MYZAP: variants seen among roughly 807,000 people sequenced by gnomAD.
MYZAP encodes the protein myocardial zonula adherens protein.
Under a neutral mutation model 69.4 loss-of-function variants are expected in MYZAP, and 66 were observed. The ratio of observed to expected loss-of-function variants is 0.95; its 90% CI spans 0.78 to 1.17. MYZAP has a LOEUF of 1.17. Among genes scored for constraint, MYZAP ranks in the 50% most tolerant of loss-of-function variants. The pLI is 0.00. For missense variants in MYZAP, 611 were observed against 556.2 expected, an observed-to-expected ratio of 1.10 and a Z score of -0.99; for synonymous variants, 256 against 205.9, an observed-to-expected ratio of 1.24 and a Z score of -2.09.
At chr15:57,603,634 T>C (rs1344896693) in intron 1 of MYZAP, among the ~76,000 whole-genome samples, 2 of 152,234 alleles carry the variant, frequency 1.3e-5, no homozygotes, top group Non-Finnish European at 2.9e-5. Context: ...GTCTTCAAGG[T>C]TTATCCATGT....
chr15:57,625,320 C>T (rs145534457), intron 4 of MYZAP, among the ~76,000 whole-genome samples: 7 of 152,100 alleles, frequency 4.6e-5, no homozygotes, highest in African/African-American at 7.2e-5. Flanking sequence ...GTGATCCGAC[C>T]GCCTCGGCCT....
intron 10 of MYZAP, among the ~76,000 whole-genome samples, chr15:57,659,501 C>T (rs1379050261): frequency 6.6e-6 from 1 of 152,176 alleles, no homozygotes; most frequent in Non-Finnish European, 1.5e-5. Flanking sequence ...CTTTCTCTTA[C>T]AGTAAAAATC....
At chr15:57,670,804 A>G (rs1325659798) in intron 11 of MYZAP, among the ~76,000 whole-genome samples, 1 of 152,068 alleles carries the variant, frequency 6.6e-6, no homozygotes, top group Admixed American at 6.5e-5. Flanking sequence ...GTATTGTAGT[A>G]TACATCATTA....
At chr15:57,664,927 T>C (rs1450064468) in intron 11 of MYZAP, among the ~76,000 whole-genome samples, 4 of 152,228 alleles carry the variant, frequency 2.6e-5, no homozygotes, top group African/African-American at 9.6e-5. Context: ...GTTATGATGA[T>C]TAAATATGTT....
chr15:57,658,364 A>G (rs1467728541), intron 10 of MYZAP, among the ~76,000 whole-genome samples: 1 of 152,182 alleles, frequency 6.6e-6, no homozygotes, highest in Non-Finnish European at 1.5e-5. Flanking sequence ...TAACAAAATT[A>G]ATGATAATTC....
chr15:57,635,709 G>A (rs547809887), intron 8 of MYZAP, among the ~76,000 whole-genome samples: 5 of 152,234 alleles, frequency 3.3e-5, no homozygotes, highest in Admixed American at 6.5e-5. Flanking sequence ...ATCTGTGAGA[G>A]CAGGAATCTG....
At chr15:57,655,967 C>A (rs1292565266) in intron 10 of MYZAP, among the ~76,000 whole-genome samples, 2 of 152,118 alleles carry the variant, frequency 1.3e-5, no homozygotes, top group Admixed American at 6.6e-5. Flanking sequence ...TTCTTAATGC[C>A]CTGGTTTGAG....
At chr15:57,611,515 A>C (rs1246419151) in intron 2 of MYZAP, among the ~76,000 whole-genome samples, 4 of 152,064 alleles carry the variant, frequency 2.6e-5, no homozygotes, top group African/African-American at 9.7e-5. Context: ...GCTGTGTACT[A>C]GCTGCACACT....
intron 8 of MYZAP, among the ~76,000 whole-genome samples, chr15:57,634,290 G>A (rs1429036141): frequency 3.3e-5 from 5 of 152,140 alleles, no homozygotes; most frequent in Admixed American, 1.3e-4. Context: ...GGAGGAAGGG[G>A]AGGAAGTGGT....
At chr15:57,640,271 G>T (rs1286115240) in intron 10 of MYZAP, among the ~76,000 whole-genome samples, 2 of 152,210 alleles carry the variant, frequency 1.3e-5, no homozygotes, top group Non-Finnish European at 2.9e-5. Context: ...AAAGAAGAAA[G>T]TCCGTGCTCT....
At chr15:57,614,910 A>G (rs1397052785) in intron 2 of MYZAP, among the ~76,000 whole-genome samples, 3 of 152,112 alleles carry the variant, frequency 2.0e-5, no homozygotes, top group African/African-American at 7.2e-5. Context: ...ATTATATATT[A>G]TATGTAATAA....
chr15:57,599,816 G>T lies in MYZAP; in HGVS notation c.76-4453G>T, dbSNP rs2034302158. 4.1e-6 allele frequency: 3 copies of T among 735,078 alleles called. No homozygotes were observed. The African/African-American group carries it at 5.4e-5, about 13-fold the overall frequency. 45.5% of individuals were successfully genotyped at this position (735,078 alleles called of 1,614,324 possible). ...CTCGGACAACTTTATGGGTGGTTCA[G>T]GGGTTACTGTCCTTAGTGCTTCTGT... On this transcript the variant is annotated intron_variant, in intron 1 of 12. Coordinates refer to ENST00000267853, the MANE Select transcript of MYZAP (RefSeq NM_001018100.5).
rs772067728 is a variant in MYZAP at position 57,604,296 on chromosome 15, G to T, written c.103G>T (p.Val35Leu). 1 of 1,614,018 alleles carries T rather than the reference G, an allele frequency of 6.2e-7. No individual in the cohort carries two copies. The highest frequency in any genetic ancestry group is 8.5e-7 in the Non-Finnish European group (1 of 1,180,018). ...RANVCRLRLTVPPESPVPEQC... is the reference protein window; with the variant it reads ...RANVCRLRLTLPPESPVPEQC... ...AAATGTTTGCAGACTACGGCTGACC[G>T]TACCTCCTGAGAGTCCAGTTCCTGA... The change falls in exon 2 of 13, where the codon GTA becomes TTA. Residue 35 changes from valine (V) to leucine (L), a missense_variant. Physicochemically the swap from Val to Leu is conservative, Grantham distance 32. Coordinates refer to ENST00000267853, the MANE Select transcript of MYZAP (RefSeq NM_001018100.5).
chr15:57,648,035 C>T lies in MYZAP; in HGVS notation c.1119+8490C>T, dbSNP rs1306394425. On this transcript the variant is annotated intron_variant, in intron 10 of 12. Transcript: ENST00000267853. Reference sequence around the variant, plus strand: ...CAAGCCCCACCCAAAGGAGGTGCTACTCAAAAGTTTGAGGCAGGAGTGATT... The same window carrying T: ...CAAGCCCCACCCAAAGGAGGTGCTATTCAAAAGTTTGAGGCAGGAGTGATT... 3 of 985,134 alleles carry T rather than the reference C, an allele frequency of 3.0e-6. No homozygotes were observed. The African/African-American group carries it at 5.2e-5, about 17-fold the overall frequency. 61.0% of individuals were successfully genotyped at this position (985,134 alleles called of 1,614,324 possible).
chr15:57,656,197 T>A (rs1332674049), intron 10 of MYZAP, among the ~76,000 whole-genome samples: 1 of 152,198 alleles, frequency 6.6e-6, no homozygotes, highest in Non-Finnish European at 1.5e-5. Flanking sequence ...AGCAAGATCA[T>A]CTTGGCCCAA....
intron 12 of MYZAP, among the ~76,000 whole-genome samples, chr15:57,682,992 A>G (rs1382165417): frequency 6.6e-6 from 1 of 152,100 alleles, no homozygotes; most frequent in African/African-American, 2.4e-5. Flanking sequence ...TGTTCAGGTC[A>G]TGGCGGGAAG....
At chr15:57,644,612 T>C (rs2140483674) in intron 10 of MYZAP, among the ~76,000 whole-genome samples, 1 of 151,960 alleles carries the variant, frequency 6.6e-6, no homozygotes, top group East Asian at 1.9e-4. Context: ...GCCCAGCTAA[T>C]TTTTGTATTA....
At chr15:57,676,095 G>C in intron 12 of MYZAP, among the ~76,000 whole-genome samples, 1 of 152,116 alleles carries the variant, frequency 6.6e-6, no homozygotes, top group Non-Finnish European at 1.5e-5. Flanking sequence ...GATGCCTTCA[G>C]ACAGGTTCTT....
chr15:57,648,053 G>A, intron 10 of MYZAP: 1 of 984,886 alleles, frequency 1.0e-6, no homozygotes, highest in Non-Finnish European at 1.2e-6. Flanking sequence ...TTTGAGGCAG[G>A]AGTGATTTAT....
Sources: gnomAD v4.1 joint callset for allele counts (sites outside exome capture counted in the v4.1 genomes callset) on GRCh38, gnomAD v4.1.1 for gene constraint, MANE v1.5 for transcripts, NCBI Gene and HGNC (gene_info 2026-07-23, HGNC 2026-07-21) for gene names.